SUGCT: variants seen among roughly 807,000 people sequenced by gnomAD.
SUGCT encodes succinyl-CoA:glutarate-CoA transferase, also known as succinyl-CoA:glutarate CoA-transferase.
SUGCT carries 41 observed loss-of-function variants against 55.0 expected under a neutral mutation model. The observed-to-expected ratio is 0.74, with a 90% CI of 0.58 to 0.97. SUGCT has a LOEUF of 0.97. Among genes scored for constraint, SUGCT ranks in the 50% least tolerant of loss-of-function variants. The probability of loss-of-function intolerance (pLI) is 0.00; values close to 1 mark genes in which losing one functional copy is unlikely to be tolerated. For missense variants in SUGCT, 568 were observed against 547.8 expected, an observed-to-expected ratio of 1.04 and a Z score of -0.37; for synonymous variants, 187 against 200.4, an observed-to-expected ratio of 0.93 and a Z score of 0.56.
At chr7:40,401,332 A>G (rs910183883) in intron 9 of SUGCT, among the ~76,000 whole-genome samples, 1 of 152,204 alleles carries the variant, frequency 6.6e-6, no homozygotes, top group African/African-American at 2.4e-5. Context: ...GAGGTCTGCT[A>G]TACACTAGGT....
chr7:40,472,484 C>T (rs754673827), intron 11 of SUGCT, among the ~76,000 whole-genome samples: 6 of 152,062 alleles, frequency 3.9e-5, no homozygotes, highest in South Asian at 2.1e-4. Flanking sequence ...TAATATTAAC[C>T]GTGGTTGTCT....
chr7:40,532,526 CTGTGTGTG>C lies in SUGCT; in HGVS notation c.1089+36176_1089+36183del, dbSNP rs3048827. 2.0e-3 allele frequency among the ~76,000 whole-genome samples: 267 copies of C among 134,162 alleles called. 1 individual carries two copies. The highest frequency in any genetic ancestry group is 6.4e-3 in the African/African-American group (232 of 36,344). 88.0% of individuals were successfully genotyped at this position (134,162 alleles called of 152,430 possible). A position where few individuals can be genotyped will look rare whatever the true frequency, so the allele number is the denominator to read the frequency against. On this transcript the variant is annotated intron_variant, in intron 12 of 13. Coordinates refer to ENST00000335693, the MANE Select transcript of SUGCT (RefSeq NM_001193313.2). ...GACACCCTGAACTGAGCAAGTATGT[CTGTGTGTG>C]TGTGTGTGTGTGTGTGTGTGTGTGT...
At chr7:40,293,983 T>C (rs1371860923) in intron 8 of SUGCT, among the ~76,000 whole-genome samples, 1 of 152,144 alleles carries the variant, frequency 6.6e-6, no homozygotes, top group Non-Finnish European at 1.5e-5. Flanking sequence ...AGTCTCGCTC[T>C]GTTGCTCAGA....
intron 1 of SUGCT, among the ~76,000 whole-genome samples, chr7:40,180,080 C>T (rs570705423): frequency 1.1e-3 from 160 of 152,194 alleles, no homozygotes; most frequent in African/African-American, 3.7e-3. Flanking sequence ...AAATAATGCA[C>T]CAATCACACG....
chr7:40,860,485 G>C lies in SUGCT; in HGVS notation c.*6G>C. 2 of 1,607,162 alleles carry C rather than the reference G, an allele frequency of 1.2e-6. No individual in the cohort carries two copies. The highest frequency in any genetic ancestry group is 1.7e-6 in the Non-Finnish European group (2 of 1,175,034). ...ACCAACATGAAACTCACTGACAAAG[G>C]AAAAGGGCTCTTCCTCATAACCTCG... is the stretch of plus-strand genomic sequence containing the variant. On this transcript the variant is annotated 3_prime_UTR_variant, in exon 14 of 14. Transcript: ENST00000335693.
At chr7:40,622,836 C>T (rs1037018188) in intron 12 of SUGCT, among the ~76,000 whole-genome samples, 1 of 152,048 alleles carries the variant, frequency 6.6e-6, no homozygotes, top group African/African-American at 2.4e-5. Flanking sequence ...ACATGCATCC[C>T]CCAAAACAGG....
intron 11 of SUGCT, among the ~76,000 whole-genome samples, chr7:40,489,691 CAAAA>C (rs948993793): frequency 4.6e-5 from 7 of 151,834 alleles, no homozygotes; most frequent in African/African-American, 1.7e-4. Flanking sequence ...AAAAACAAAA[CAAAA>C]AACAAAAAAC....
intron 9 of SUGCT, among the ~76,000 whole-genome samples, chr7:40,417,659 T>A (rs1486023404): frequency 6.6e-6 from 1 of 151,704 alleles, no homozygotes; most frequent in Non-Finnish European, 1.5e-5. Flanking sequence ...AAAATATTTG[T>A]TCTCATTTCA....
At chr7:40,218,603 G>A (rs866954668) in intron 6 of SUGCT, among the ~76,000 whole-genome samples, 35 of 152,042 alleles carry the variant, frequency 2.3e-4, no homozygotes, top group Admixed American at 2.0e-4. Context: ...CAGTAAAAAC[G>A]CACCAATCAG....
At chr7:41,032,697 C>CT in the SUGCT span, among the ~76,000 whole-genome samples, 1 of 152,170 alleles carries the variant, frequency 6.6e-6, no homozygotes, top group East Asian at 1.9e-4. Flanking sequence ...TGACACAGAG[C>CT]TTTATCTCTA....
At chr7:40,335,078 T>A (rs1796601047) in intron 9 of SUGCT, among the ~76,000 whole-genome samples, 1 of 152,214 alleles carries the variant, frequency 6.6e-6, no homozygotes, top group African/African-American at 2.4e-5. Flanking sequence ...TGTGGTATTG[T>A]TTCTGAGGGC....
chr7:40,907,394 C>T, the SUGCT span, among the ~76,000 whole-genome samples: 33 of 152,088 alleles, frequency 2.2e-4, no homozygotes, highest in Non-Finnish European at 4.4e-4. Flanking sequence ...ATTCTAATTG[C>T]AAGGCAAGGC....
At chr7:40,475,778 GCA>G (rs757687164) in intron 11 of SUGCT, among the ~76,000 whole-genome samples, 4 of 152,260 alleles carry the variant, frequency 2.6e-5, no homozygotes, top group South Asian at 2.1e-4. Flanking sequence ...ATATGTGAAA[GCA>G]CCTAACAGTG....
At chr7:40,327,561 C>T (rs971322121) in intron 9 of SUGCT, among the ~76,000 whole-genome samples, 4 of 152,202 alleles carry the variant, frequency 2.6e-5, no homozygotes, top group African/African-American at 9.6e-5. Context: ...TCAGAATTCC[C>T]TCTGACATAT....
intron 9 of SUGCT, among the ~76,000 whole-genome samples, chr7:40,420,760 G>T (rs531307679): frequency 5.3e-5 from 8 of 151,952 alleles, no homozygotes; most frequent in African/African-American, 1.9e-4. Context: ...ATTTTCACTT[G>T]CCTGGACTAC....
intron 8 of SUGCT, among the ~76,000 whole-genome samples, chr7:40,315,072 T>C (rs1795356022): frequency 6.6e-6 from 1 of 152,006 alleles, no homozygotes; most frequent in Non-Finnish European, 1.5e-5. Flanking sequence ...ATATTAGGGT[T>C]TCATGTATTA....
intron 12 of SUGCT, among the ~76,000 whole-genome samples, chr7:40,569,382 C>G (rs915133313): frequency 1.3e-5 from 2 of 152,124 alleles, no homozygotes; most frequent in African/African-American, 4.8e-5. Flanking sequence ...TTATATCTAC[C>G]CATTTTACCC....
intron 8 of SUGCT, among the ~76,000 whole-genome samples, chr7:40,309,841 T>G (rs1044591352): frequency 4.7e-5 from 7 of 147,444 alleles, no homozygotes; most frequent in Non-Finnish European, 1.0e-4. Context: ...AAAACTGGAA[T>G]AATTTGATCA....
At chr7:40,333,636 C>CAAAA (rs1212001738) in intron 9 of SUGCT, among the ~76,000 whole-genome samples, 13 of 49,934 alleles carry the variant, frequency 2.6e-4, no homozygotes, top group Non-Finnish European at 3.3e-4. Context: ...GACTCTGTCT[C>CAAAA]AAAAAAAAAA....
Sources: allele counts gnomAD v4.1 joint callset (sites outside exome capture counted in the v4.1 genomes callset), GRCh38; gene constraint gnomAD v4.1.1; transcripts MANE v1.5; gene names NCBI Gene and HGNC (gene_info 2026-07-23, HGNC 2026-07-21).